PACC1: variants seen among roughly 807,000 people sequenced by gnomAD.
PACC1 encodes proton activated chloride channel 1, also known as proton-activated chloride channel.
A neutral mutation model predicts 39.7 loss-of-function variants in PACC1; 34 were observed. That is an observed-to-expected ratio of 0.86 (90% CI 0.65 to 1.14). The LOEUF (loss-of-function observed/expected upper bound fraction) is 1.14, where lower values mean the gene tolerates loss of function less well. Among genes scored for constraint, PACC1 ranks in the 50% most tolerant of loss-of-function variants. The pLI is 0.00. For synonymous variants in PACC1, 127 were observed against 160.6 expected, an observed-to-expected ratio of 0.79 and a Z score of 1.58; for missense variants, 379 against 436.4, an observed-to-expected ratio of 0.87 and a Z score of 1.17.
chr1:212,366,605 G>A (rs1660255666), intron 7 of PACC1, among the ~76,000 whole-genome samples: 1 of 152,114 alleles, frequency 6.6e-6, no homozygotes, highest in South Asian at 2.1e-4. Context: ...ACCTTAGTAT[G>A]CATTTCATTG....
rs368581321 is a variant in PACC1 at position 212,383,900 on chromosome 1, G to A, written c.495+1374C>T. Reference sequence around the variant, plus strand: ...TCGCTTCTGTAGAGAATGGTTCCAGGGTCTTTTACCCAGAGGCAACCATCC... The same window carrying A: ...TCGCTTCTGTAGAGAATGGTTCCAGAGTCTTTTACCCAGAGGCAACCATCC... On this transcript the variant is annotated intron_variant, in intron 4 of 7. Coordinates refer to ENST00000261455, the MANE Select transcript of PACC1 (RefSeq NM_018252.3). Among the ~76,000 whole-genome samples, 6 of 152,220 alleles carry A rather than the reference G, an allele frequency of 3.9e-5. No individual in the cohort carries two copies. In the South Asian group the frequency reaches 8.3e-4, roughly 21 times the overall value.
chr1:212,382,534 A>G (rs1213479409), intron 4 of PACC1, among the ~76,000 whole-genome samples: 1 of 152,246 alleles, frequency 6.6e-6, no homozygotes, highest in East Asian at 1.9e-4. Flanking sequence ...AGAAAGCACC[A>G]GAAAATCAGC....
intron 5 of PACC1, among the ~76,000 whole-genome samples, chr1:212,379,057 C>A (rs992519151): frequency 6.6e-6 from 1 of 151,816 alleles, no homozygotes; most frequent in Non-Finnish European, 1.5e-5. Flanking sequence ...GGTTCTCCTG[C>A]CTCAACCTCT....
chr1:212,406,212 A>G (rs1168503338), intron 2 of PACC1, among the ~76,000 whole-genome samples: 2 of 148,806 alleles, frequency 1.3e-5, no homozygotes, highest in Admixed American at 6.8e-5. Context: ...TATTTTTATT[A>G]TTATTATTAG....
At chr1:212,366,959 T>C (rs985427690) in intron 7 of PACC1, among the ~76,000 whole-genome samples, 6 of 152,214 alleles carry the variant, frequency 3.9e-5, no homozygotes, top group African/African-American at 1.4e-4. Flanking sequence ...CTGTAAGCCA[T>C]GATCACATCA....
intron 6 of PACC1, chr1:212,376,765 C>A (rs1558166292): frequency 6.6e-6 from 1 of 152,190 alleles, no homozygotes; most frequent in Non-Finnish European, 1.5e-5. Context: ...GGAGCTAGGG[C>A]TCATGACAGG....
At chr1:212,382,159 C>T (rs1660922528) in intron 4 of PACC1, among the ~76,000 whole-genome samples, 1 of 152,030 alleles carries the variant, frequency 6.6e-6, no homozygotes, top group Non-Finnish European at 1.5e-5. Context: ...CTGTCTTGCC[C>T]TCCCAAGTAG....
chr1:212,367,605 G>A, intron 7 of PACC1, among the ~76,000 whole-genome samples: 1 of 152,110 alleles, frequency 6.6e-6, no homozygotes, highest in South Asian at 2.1e-4. Context: ...CCACAGCTCT[G>A]ATACTGCACT....
intron 4 of PACC1, 34 bp downstream of exon 4, chr1:212,385,240 C>T (rs969456122): frequency 3.7e-6 from 6 of 1,612,668 alleles, no homozygotes; most frequent in Non-Finnish European, 5.1e-6. Flanking sequence ...AACAGAGCAG[C>T]TGCCCAGACC....
At chr1:212,376,420 A>C (rs1256264230) in intron 6 of PACC1, among the ~76,000 whole-genome samples, 1 of 152,228 alleles carries the variant, frequency 6.6e-6, no homozygotes, top group Non-Finnish European at 1.5e-5. Flanking sequence ...TCTTTAATGT[A>C]CAGGTTCACT....
At chr1:212,391,000 G>A (rs568121724) in intron 2 of PACC1, among the ~76,000 whole-genome samples, 1 of 152,332 alleles carries the variant, frequency 6.6e-6, no homozygotes, top group South Asian at 2.1e-4. Flanking sequence ...GCCTCTGTAG[G>A]CTCCACCTCT....
chr1:212,413,774 G>C, intron 1 of PACC1: 1 of 1,060,404 alleles, frequency 9.4e-7, no homozygotes, highest in South Asian at 1.7e-5. Flanking sequence ...GGAATGCTCC[G>C]AGGTGAAGGC....
Position 212,377,715 on chromosome 1 carries a change from A to G in PACC1, c.639-9T>C, listed in dbSNP as rs768774313. The G allele has an allele frequency of 3.7e-6, 6 of 1,613,362 alleles. No homozygotes were observed. The highest frequency in any genetic ancestry group is 1.7e-5 in the Admixed American group (1 of 59,916). ...AGCCTACCCTGTTTGGGCTTGGAGG[A>G]AGGAAGGAGAAGGAAGATCCAGGTC... is the stretch of plus-strand genomic sequence containing the variant. On this transcript the variant is annotated splice_polypyrimidine_tract_variant and intron_variant, in intron 5 of 7. Transcript: ENST00000261455.
chr1:212,382,526 A>G (rs1242236812), intron 4 of PACC1, among the ~76,000 whole-genome samples: 1 of 152,218 alleles, frequency 6.6e-6, no homozygotes, highest in East Asian at 1.9e-4. Context: ...AGCATGAAAG[A>G]AAGCACCAGA....
chr1:212,387,185 GC>G, intron 2 of PACC1, 85 bp from the exon 3 acceptor site: 2 of 1,403,656 alleles, frequency 1.4e-6, no homozygotes, highest in Non-Finnish European at 2.0e-6. Context: ...GCCCTTGCCT[GC>G]CTCACCAAGG....
chr1:212,400,153 C>T (rs941646476), intron 2 of PACC1, among the ~76,000 whole-genome samples: 3 of 138,856 alleles, frequency 2.2e-5, no homozygotes, highest in African/African-American at 3.2e-5. Flanking sequence ...GCCCAGAAAA[C>T]TTCTAAGACA....
At chr1:212,385,208 T>C in intron 4 of PACC1, 66 bp downstream of exon 4, 9 of 1,592,054 alleles carry the variant, frequency 5.7e-6, no homozygotes, top group Non-Finnish European at 7.7e-6. Flanking sequence ...AAAGGAAACT[T>C]GGGGCCTTGG....
intron 7 of PACC1, among the ~76,000 whole-genome samples, chr1:212,370,637 G>A (rs772125389): frequency 6.6e-6 from 1 of 152,184 alleles, no homozygotes; most frequent in Non-Finnish European, 1.5e-5. Flanking sequence ...AATCAATAAT[G>A]AGGAATTTTG....
intron 4 of PACC1, among the ~76,000 whole-genome samples, chr1:212,384,371 G>A (rs1478109840): frequency 6.6e-6 from 1 of 152,110 alleles, no homozygotes; most frequent in East Asian, 1.9e-4. Context: ...GAGCAAGTGT[G>A]GCTCTACAGC....
Sources: allele counts gnomAD v4.1 joint callset (sites outside exome capture counted in the v4.1 genomes callset), GRCh38; gene constraint gnomAD v4.1.1; transcripts MANE v1.5; gene names NCBI Gene and HGNC (gene_info 2026-07-23, HGNC 2026-07-21).